The following ARB2A variants were observed in gnomAD, a reference collection of about 807,000 sequenced individuals.
The protein encoded by ARB2A is ARB2 cotranscriptional regulator A, also known as cotranscriptional regulator ARB2A.
the ARB2A span, among the ~76,000 whole-genome samples, chr5:93,997,845 TA>T: frequency 6.6e-6 from 1 of 151,998 alleles, no homozygotes; most frequent in Admixed American, 6.6e-5. Context: ...TGAATACTGC[TA>T]TATTGACCCT....
chr5:93,756,328 C>T, the ARB2A span, among the ~76,000 whole-genome samples: 940 of 152,270 alleles, frequency 6.2e-3, 3 homozygotes, highest in Admixed American at 0.011. Flanking sequence ...TAATCTTGGG[C>T]GTTCTAGGGC....
chr5:93,949,274 AC>A, the ARB2A span, among the ~76,000 whole-genome samples: 1 of 151,934 alleles, frequency 6.6e-6, no homozygotes, highest in African/African-American at 2.4e-5. Context: ...CCCGGCCCAC[AC>A]CCGATGTAAT....
At chr5:94,040,955 C>T in the ARB2A span, among the ~76,000 whole-genome samples, 3 of 152,098 alleles carry the variant, frequency 2.0e-5, no homozygotes, top group Non-Finnish European at 4.4e-5. Flanking sequence ...CTCTGTGTTG[C>T]GACTTGGCCC....
chr5:94,025,594 A>G, the ARB2A span, among the ~76,000 whole-genome samples: 2 of 152,236 alleles, frequency 1.3e-5, no homozygotes, highest in Non-Finnish European at 2.9e-5. Flanking sequence ...CTAAAGACCT[A>G]AGCGAAACCA....
the ARB2A span, among the ~76,000 whole-genome samples, chr5:94,109,371 C>T: frequency 6.6e-6 from 1 of 152,134 alleles, no homozygotes. Context: ...TGGCATAGTA[C>T]AGGGACATAC....
chr5:93,692,133 C>T, the ARB2A span, among the ~76,000 whole-genome samples: 1 of 152,104 alleles, frequency 6.6e-6, no homozygotes, highest in African/African-American at 2.4e-5. Context: ...GGCAAAATAA[C>T]CAGCTAGCCA....
chr5:93,876,853 G>C, the ARB2A span, among the ~76,000 whole-genome samples: 2 of 151,696 alleles, frequency 1.3e-5, no homozygotes. Context: ...CATATTTTTG[G>C]AAAGAAAGCT....
chr5:93,671,362 A>T, the ARB2A span, among the ~76,000 whole-genome samples: 1 of 152,156 alleles, frequency 6.6e-6, no homozygotes, highest in African/African-American at 2.4e-5. Context: ...GAAGTAAAGA[A>T]TAAAGATAAA....
the ARB2A span, chr5:93,621,193 G>A: frequency 3.3e-6 from 5 of 1,498,006 alleles, no homozygotes; most frequent in South Asian, 1.3e-5. Context: ...TGAGGGCGGC[G>A]AGGGCCAGGC....
the ARB2A span, among the ~76,000 whole-genome samples, chr5:93,755,001 G>A: frequency 1.3e-5 from 2 of 152,134 alleles, no homozygotes; most frequent in East Asian, 3.9e-4. Flanking sequence ...ACAGGAAAAT[G>A]AGAGTATTTC....
At chr5:93,945,106 G>C in the ARB2A span, among the ~76,000 whole-genome samples, 1 of 152,214 alleles carries the variant, frequency 6.6e-6, no homozygotes, top group Admixed American at 6.5e-5. Flanking sequence ...TCTGACATGT[G>C]TGGCCAACAC....
the ARB2A span, chr5:93,865,482 T>C: frequency 6.1e-6 from 6 of 985,318 alleles, no homozygotes; most frequent in Non-Finnish European, 7.2e-6. Flanking sequence ...GATGAAGGTA[T>C]ACTAAGACAA....
chr5:93,769,905 A>C, the ARB2A span, among the ~76,000 whole-genome samples: 1 of 152,228 alleles, frequency 6.6e-6, no homozygotes, highest in Non-Finnish European at 1.5e-5. Flanking sequence ...AGTTACACTC[A>C]GTAGCAAGTT....
chr5:93,987,215 T>C, the ARB2A span, among the ~76,000 whole-genome samples: 4 of 151,846 alleles, frequency 2.6e-5, no homozygotes, highest in Non-Finnish European at 5.9e-5. Flanking sequence ...TCTACTTCCA[T>C]CCTAGCCGCC....
At chr5:93,850,003 T>C in the ARB2A span, among the ~76,000 whole-genome samples, 1 of 152,220 alleles carries the variant, frequency 6.6e-6, no homozygotes, top group East Asian at 1.9e-4. Flanking sequence ...CCCTGAGCAG[T>C]CGTTACAATT....
chr5:93,958,746 C>CAAA, the ARB2A span: 21 of 1,113,942 alleles, frequency 1.9e-5, no homozygotes, highest in Admixed American at 1.1e-4. Context: ...TATAAAATGC[C>CAAA]AAAAAAAAAA....
At chr5:93,799,878 A>T in the ARB2A span, among the ~76,000 whole-genome samples, 9 of 152,100 alleles carry the variant, frequency 5.9e-5, no homozygotes, top group Non-Finnish European at 1.3e-4. Context: ...TTAGAAAAAA[A>T]TACCAGCATG....
At chr5:94,109,950 T>C in the ARB2A span, among the ~76,000 whole-genome samples, 2 of 149,280 alleles carry the variant, frequency 1.3e-5, no homozygotes, top group African/African-American at 2.5e-5. Context: ...AGTGGCATGA[T>C]GTCGGCTCAC....
chr5:93,723,612 GTTTTATT>G, the ARB2A span, among the ~76,000 whole-genome samples: 1 of 151,996 alleles, frequency 6.6e-6, no homozygotes. Flanking sequence ...AAGGTAATTT[GTTTTATT>G]TTTTAATATT....
Sources: allele counts gnomAD v4.1 joint callset (sites outside exome capture counted in the v4.1 genomes callset), GRCh38; gene constraint gnomAD v4.1.1; transcripts MANE v1.5; gene names NCBI Gene and HGNC (gene_info 2026-07-23, HGNC 2026-07-21).